PPP1R9A: variants seen among roughly 807,000 people sequenced by gnomAD.
PPP1R9A encodes the protein protein phosphatase 1 regulatory subunit 9A.
A neutral mutation model predicts 141.9 loss-of-function variants in PPP1R9A; 59 were observed. The observed-to-expected ratio is 0.42, with a 90% confidence interval of 0.34 to 0.52. PPP1R9A has a LOEUF of 0.52. Among genes scored for constraint, PPP1R9A ranks in the 20% least tolerant of loss-of-function variants. The probability of loss-of-function intolerance (pLI) is 0.10; values close to 1 mark genes in which losing one functional copy is unlikely to be tolerated. For missense variants in PPP1R9A, 1,444 were observed against 1,611.9 expected, an observed-to-expected ratio of 0.90 and a Z score of 1.78; for synonymous variants, 500 against 569.7, an observed-to-expected ratio of 0.88 and a Z score of 1.74.
intron 16 of PPP1R9A, among the ~76,000 whole-genome samples, chr7:95,280,316 A>G (rs1027241760): frequency 2.0e-5 from 3 of 152,164 alleles, no homozygotes; most frequent in African/African-American, 4.8e-5. Context: ...TTTATACTTC[A>G]TCTGTTCTGG....
intron 4 of PPP1R9A, among the ~76,000 whole-genome samples, chr7:95,139,810 T>TAAA (rs1177269547): frequency 2.1e-5 from 2 of 95,330 alleles, no homozygotes; most frequent in Non-Finnish European, 4.5e-5. Context: ...AGCAAAACAT[T>TAAA]AAAAAAAAAA....
chr7:95,249,970 G>C, intron 9 of PPP1R9A, 56 bp from the exon 10 acceptor site: 1 of 1,486,428 alleles, frequency 6.7e-7, no homozygotes, highest in Non-Finnish European at 8.9e-7. Flanking sequence ...AAAAATGAGA[G>C]ATTTTTGCCA....
intron 4 of PPP1R9A, among the ~76,000 whole-genome samples, chr7:95,121,459 G>GTCTGTCTGTCTA (rs1268112373): frequency 7.3e-4 from 37 of 50,366 alleles, no homozygotes; most frequent in African/African-American, 1.7e-3. Context: ...CTGTCTGTCT[G>GTCTGTCTGTCTA]TCTATCTATC....
At chr7:95,176,670 A>T (rs1832952173) in intron 5 of PPP1R9A, 1 of 152,150 alleles carries the variant, frequency 6.6e-6, no homozygotes, top group Non-Finnish European at 1.5e-5. Context: ...TAGTATAAAT[A>T]AAAAAACCCC....
At chr7:95,185,652 G>A (rs770210439) in intron 5 of PPP1R9A, among the ~76,000 whole-genome samples, 5 of 151,594 alleles carry the variant, frequency 3.3e-5, no homozygotes, top group African/African-American at 4.8e-5. Flanking sequence ...GAATTTTTAT[G>A]GTTTCAGATC....
intron 7 of PPP1R9A, among the ~76,000 whole-genome samples, chr7:95,208,956 T>TAAAAAAAAAAACAAAAAAAA (rs1791462957): frequency 1.3e-5 from 1 of 76,922 alleles, no homozygotes; most frequent in African/African-American, 5.4e-5. Context: ...ATAGCAAAAC[T>TAAAAAAAAAAACAAAAAAAA]AAAAAAAAAA....
chr7:95,060,637 A>G (rs1211082706), intron 2 of PPP1R9A, among the ~76,000 whole-genome samples: 3 of 152,152 alleles, frequency 2.0e-5, no homozygotes, highest in Non-Finnish European at 2.9e-5. Flanking sequence ...ACTTTCCCCC[A>G]TAAGTTACAA....
rs569570721 is a variant in PPP1R9A, at chr7:95,293,553, G to A, written c.*3250G>A. The A allele has an allele frequency of 6.6e-6, 1 of 152,290 alleles. No homozygotes were observed. Among genetic ancestry groups the A allele is most frequent in the South Asian group, 2.1e-4 (1 of 4,814 alleles). The allele number at this position is 152,290 out of a possible 1,614,324, so 9.4% of individuals were successfully genotyped here. A position where few individuals can be genotyped will look rare whatever the true frequency, so the allele number is the denominator to read the frequency against. ...TCAGCTTTCAACTGGCACAAAATGG[G>A]ACTGTCACCTTTTGCTCCATTGTTG... On this transcript the variant is annotated 3_prime_UTR_variant, in exon 20 of 20. Transcript: ENST00000433360.
chr7:95,088,198 T>A (rs1314125938), intron 2 of PPP1R9A, among the ~76,000 whole-genome samples: 2 of 151,838 alleles, frequency 1.3e-5, no homozygotes, highest in African/African-American at 4.9e-5. Flanking sequence ...GGTACTTGAG[T>A]AGTAGCTGAG....
chr7:95,158,148 A>T (rs1178277837), intron 4 of PPP1R9A, among the ~76,000 whole-genome samples: 1 of 152,226 alleles, frequency 6.6e-6, no homozygotes. Context: ...ACCTATAGGG[A>T]ACCTACAAAC....
chr7:95,217,404 A>C (rs1237027873), intron 7 of PPP1R9A, among the ~76,000 whole-genome samples: 1 of 152,216 alleles, frequency 6.6e-6, no homozygotes, highest in Non-Finnish European at 1.5e-5. Context: ...ATCAATGTTC[A>C]TCAGGGATAT....
rs1035316703 is a variant in PPP1R9A at position 94,970,191 on chromosome 7, G to A, written c.1395+58683G>A. 6.6e-5 allele frequency among the ~76,000 whole-genome samples: 10 copies of A among 152,210 alleles called. No homozygotes were observed. The East Asian group carries it at 1.9e-3, about 29-fold the overall frequency. Reference sequence around the variant, plus strand: ...CACAGGCATTCCAGGTGCCACTGGGGTATGAAAAAACACTCCAGCAGCTAG... The same window carrying A: ...CACAGGCATTCCAGGTGCCACTGGGATATGAAAAAACACTCCAGCAGCTAG... On this transcript the variant is annotated intron_variant, in intron 2 of 19. Transcript: ENST00000433360.
chr7:95,015,743 T>C (rs1034439196), intron 2 of PPP1R9A, among the ~76,000 whole-genome samples: 2 of 152,064 alleles, frequency 1.3e-5, no homozygotes, highest in Admixed American at 6.6e-5. Context: ...TGAACACCAG[T>C]TAGGATAAGT....
intron 8 of PPP1R9A, among the ~76,000 whole-genome samples, chr7:95,232,771 C>T (rs531725903): frequency 6.6e-6 from 1 of 152,260 alleles, no homozygotes; most frequent in East Asian, 1.9e-4. Context: ...TGAAAAAAAG[C>T]TTATCATCAC....
chr7:95,273,943 G>A lies in PPP1R9A; in HGVS notation c.3169G>A (p.Ala1057Thr). 6.6e-7 allele frequency: 1 copy of A among 1,505,198 alleles called. No individual in the cohort carries two copies. Among genetic ancestry groups the A allele is most frequent in the Non-Finnish European group, 9.1e-7 (1 of 1,095,296 alleles). The allele number at this position is 1,505,198 out of a possible 1,614,324, so 93.2% of individuals were successfully genotyped here. Reference protein sequence around the residue: ...PKSLRASSSLAVQGGKIKRKF... With the variant: ...PKSLRASSSLTVQGGKIKRKF... ...ATCACTAAGGGCATCCAGTTCATTG[G>A]CGGTGCAAGGAGGAAAAATTAAGCG... The change falls in exon 15 of 20, where the codon GCG becomes ACG. Residue 1057 changes from alanine to threonine, a missense_variant. By Grantham distance (58) the Ala-to-Thr change is moderately conservative. Around this residue, in one of 5 missense-constraint regions of PPP1R9A, gnomAD observed 459 missense variants for 513.8 expected, o/e 0.89. Transcript: ENST00000433360.
intron 2 of PPP1R9A, among the ~76,000 whole-genome samples, chr7:95,091,337 C>CTTTTTTTTTTTTTTT (rs555627706): frequency 2.6e-5 from 2 of 75,972 alleles, no homozygotes; most frequent in Non-Finnish European, 4.8e-5. Context: ...TGTTTTAACT[C>CTTTTTTTTTTTTTTT]TTTTTTTTTT....
At chr7:95,286,011 G>A (rs1358994468) in intron 17 of PPP1R9A, among the ~76,000 whole-genome samples, 195 bp from the exon 18 acceptor site, 11 of 152,128 alleles carry the variant, frequency 7.2e-5, no homozygotes, top group Non-Finnish European at 1.5e-5. Context: ...TCATCACATG[G>A]AGAAAGCACC....
intron 2 of PPP1R9A, among the ~76,000 whole-genome samples, chr7:95,044,568 A>G (rs1359513111): frequency 6.9e-6 from 1 of 144,134 alleles, no homozygotes; most frequent in Admixed American, 7.0e-5. Flanking sequence ...TTTTTTTGAG[A>G]CAGTCTTGCT....
chr7:95,224,396 A>G (rs1794859252), intron 7 of PPP1R9A, among the ~76,000 whole-genome samples: 1 of 152,150 alleles, frequency 6.6e-6, no homozygotes, highest in South Asian at 2.1e-4. Flanking sequence ...GTTCTCCATG[A>G]TAATAGCCTC....
Sources: gnomAD v4.1 joint callset for allele counts (sites outside exome capture counted in the v4.1 genomes callset) on GRCh38, gnomAD v4.1.1 for gene constraint, gnomAD v4.1.1 regional missense constraint, MANE v1.5 for transcripts, NCBI Gene and HGNC (gene_info 2026-07-23, HGNC 2026-07-21) for gene names.